HTR1F: variants seen among roughly 807,000 people sequenced by gnomAD.
The protein encoded by HTR1F is 5-hydroxytryptamine receptor 1F, also known as 5-hydroxytryptamine (serotonin) receptor 1F, G protein-coupled.
A neutral mutation model predicts 24.0 loss-of-function variants in HTR1F; 17 were observed. The observed-to-expected ratio is 0.71, with a 90% confidence interval of 0.48 to 1.06. The LOEUF (loss-of-function observed/expected upper bound fraction) is 1.06, where lower values mean the gene tolerates loss of function less well. Among genes scored for constraint, HTR1F ranks in the 50% least tolerant of loss-of-function variants. The pLI is 0.00. For missense variants in HTR1F, 391 were observed against 427.8 expected, an observed-to-expected ratio of 0.91 and a Z score of 0.76; for synonymous variants, 186 against 156.8, an observed-to-expected ratio of 1.19 and a Z score of -1.39.
intron 2 of HTR1F, among the ~76,000 whole-genome samples, chr3:87,917,543 A>G (rs1703921366): frequency 6.6e-6 from 1 of 152,024 alleles, no homozygotes; most frequent in Admixed American, 6.6e-5. Context: ...TACAACTGAC[A>G]CCACAGAAAT....
intron 2 of HTR1F, among the ~76,000 whole-genome samples, chr3:87,848,367 AT>A (rs950256495): frequency 1.3e-5 from 2 of 150,900 alleles, no homozygotes; most frequent in African/African-American, 4.9e-5. Flanking sequence ...TTTTAGTGGG[AT>A]TTTTTTTCTG....
intron 2 of HTR1F, among the ~76,000 whole-genome samples, chr3:87,939,704 G>A (rs1704516060): frequency 6.6e-6 from 1 of 152,132 alleles, no homozygotes; most frequent in African/African-American, 2.4e-5. Context: ...GGGATCAGTG[G>A]TCATATCCCC....
chr3:87,819,007 G>GA (rs1342888710), intron 1 of HTR1F, among the ~76,000 whole-genome samples: 3 of 152,062 alleles, frequency 2.0e-5, no homozygotes, highest in East Asian at 3.9e-4. Context: ...CCAGGAAATA[G>GA]AAAAAATACC....
At chr3:87,883,610 G>C (rs1229095288) in intron 2 of HTR1F, among the ~76,000 whole-genome samples, 1 of 152,112 alleles carries the variant, frequency 6.6e-6, no homozygotes, top group Non-Finnish European at 1.5e-5. Flanking sequence ...AAAAAGATTA[G>C]ACAAATGGCT....
chr3:87,918,769 GA>G (rs1373134275), intron 2 of HTR1F, among the ~76,000 whole-genome samples: 1 of 152,008 alleles, frequency 6.6e-6, no homozygotes, highest in Admixed American at 6.6e-5. Context: ...TGGATGAGTA[GA>G]ATCAATATTG....
rs371882838 is a variant in HTR1F at position 87,879,213 on chromosome 3, T to G, written c.-43+57089T>G. ...GTGGAATCATGTTGTATAGCATTAG[T>G]AATTGTTAAACAGAATTAAAATTTG... On this transcript the variant is annotated intron_variant, in intron 2 of 2. Coordinates refer to ENST00000319595, the MANE Select transcript of HTR1F (RefSeq NM_001322209.2). 1.6e-4 allele frequency among the ~76,000 whole-genome samples: 25 copies of G among 152,348 alleles called. 1 individual carries two copies. The East Asian group carries it at 3.1e-3, about 19-fold the overall frequency.
chr3:87,968,645 T>C (rs1705218233), intron 2 of HTR1F, among the ~76,000 whole-genome samples: 1 of 152,148 alleles, frequency 6.6e-6, no homozygotes, highest in Non-Finnish European at 1.5e-5. Flanking sequence ...GCATTAAAAG[T>C]TTGGAAAATT....
intron 2 of HTR1F, among the ~76,000 whole-genome samples, chr3:87,988,150 C>T (rs960212054): frequency 2.6e-5 from 4 of 151,918 alleles, no homozygotes; most frequent in African/African-American, 7.3e-5. Context: ...GTCACCAGCT[C>T]GAGAGGGTGG....
chr3:87,873,133 C>CACACACACAGAG (rs370152361), intron 2 of HTR1F, among the ~76,000 whole-genome samples: 10 of 130,184 alleles, frequency 7.7e-5, no homozygotes, highest in East Asian at 4.4e-4. Context: ...CACACACACA[C>CACACACACAGAG]AGAGAGATTT....
intron 2 of HTR1F, among the ~76,000 whole-genome samples, chr3:87,900,286 T>C (rs995873176): frequency 6.6e-6 from 1 of 152,162 alleles, no homozygotes; most frequent in African/African-American, 2.4e-5. Context: ...TTGGGATATA[T>C]TGGAATGAAC....
chr3:87,815,176 A>G (rs1704227385), intron 1 of HTR1F, among the ~76,000 whole-genome samples: 1 of 152,124 alleles, frequency 6.6e-6, no homozygotes, highest in Non-Finnish European at 1.5e-5. Flanking sequence ...ATGAAAGAAA[A>G]TAACTTTGGG....
At chr3:87,973,793 G>C (rs759063485) in intron 2 of HTR1F, among the ~76,000 whole-genome samples, 7 of 152,194 alleles carry the variant, frequency 4.6e-5, no homozygotes, top group Non-Finnish European at 1.0e-4. Flanking sequence ...TTGCCAGGGA[G>C]TTATGATTTT....
At chr3:87,812,748 T>C (rs930697457) in intron 1 of HTR1F, among the ~76,000 whole-genome samples, 1 of 152,204 alleles carries the variant, frequency 6.6e-6, no homozygotes, top group Non-Finnish European at 1.5e-5. Context: ...AGGGCCACTC[T>C]GCTCTTTGCA....
intron 1 of HTR1F, among the ~76,000 whole-genome samples, chr3:87,815,771 C>T (rs1171279975): frequency 6.6e-6 from 1 of 152,082 alleles, no homozygotes; most frequent in African/African-American, 2.4e-5. Flanking sequence ...TAGATGCCAA[C>T]AGCTTATTCT....
At chr3:87,843,797 G>A (rs1005717263) in intron 2 of HTR1F, among the ~76,000 whole-genome samples, 47 of 151,310 alleles carry the variant, frequency 3.1e-4, no homozygotes, top group East Asian at 1.4e-3. Context: ...CTGTTCTTGC[G>A]ATAGTTTACT....
At position 87,869,958 on chromosome 3, in the gene HTR1F, A is replaced by C. The variant is rs764463490; in HGVS notation, c.-43+47834A>C. On this transcript the variant is annotated intron_variant, in intron 2 of 2. Transcript: ENST00000319595. ...ATCACATTTGATAAAATAAGATACA[A>C]TTCTCAGTTTGCTAACCTATCATTA... 4.3e-4 allele frequency among the ~76,000 whole-genome samples: 66 copies of C among 152,154 alleles called. 2 individuals are homozygous for C. Among genetic ancestry groups the C allele is most frequent in the Non-Finnish European group, 1.6e-4 (11 of 68,014 alleles).
intron 2 of HTR1F, among the ~76,000 whole-genome samples, chr3:87,947,708 G>A (rs980204991): frequency 2.0e-5 from 3 of 152,230 alleles, no homozygotes; most frequent in Non-Finnish European, 2.9e-5. Context: ...GGATTTTGGG[G>A]TGAAGATTAA....
intron 2 of HTR1F, among the ~76,000 whole-genome samples, chr3:87,868,712 A>G (rs1464699843): frequency 6.6e-6 from 1 of 151,970 alleles, no homozygotes; most frequent in Non-Finnish European, 1.5e-5. Flanking sequence ...GCCTGTGTCT[A>G]TAATGCAAAC....
chr3:87,888,057 T>G (rs1287921312), intron 2 of HTR1F, among the ~76,000 whole-genome samples: 1 of 152,182 alleles, frequency 6.6e-6, no homozygotes, highest in Non-Finnish European at 1.5e-5. Context: ...TAGCAAAGAC[T>G]TGGAACCAAC....
Sources: allele counts gnomAD v4.1 joint callset (sites outside exome capture counted in the v4.1 genomes callset), GRCh38; gene constraint gnomAD v4.1.1; transcripts MANE v1.5; gene names NCBI Gene and HGNC (gene_info 2026-07-23, HGNC 2026-07-21).